Variants in SESTD1 observed in about 807,000 individuals in gnomAD.
The protein encoded by SESTD1 is SEC14 domain and spectrin repeat-containing protein 1.
Under a neutral mutation model 101.7 loss-of-function variants are expected in SESTD1, and 43 were observed. That is an observed-to-expected ratio of 0.42 (90% CI 0.33 to 0.55). The LOEUF is 0.55. SESTD1 is among the 20% of genes least tolerant of loss of function. The pLI is 0.07. For synonymous variants in SESTD1, 283 were observed against 286.8 expected, an observed-to-expected ratio of 0.99 and a Z score of 0.13; for missense variants, 647 against 815.1, an observed-to-expected ratio of 0.79 and a Z score of 2.51.
At chr2:179,144,650 A>G (rs2045355812) in intron 8 of SESTD1, among the ~76,000 whole-genome samples, 1 of 152,078 alleles carries the variant, frequency 6.6e-6, no homozygotes, top group African/African-American at 2.4e-5. Context: ...ATTTAGAATA[A>G]TATCTTAAAT....
chr2:179,219,011 C>T (rs1336822746), intron 1 of SESTD1, among the ~76,000 whole-genome samples: 1 of 152,188 alleles, frequency 6.6e-6, no homozygotes, highest in Non-Finnish European at 1.5e-5. Context: ...AATGCCAACA[C>T]CTTGACGGGA....
At chr2:179,150,027 T>C (rs887983668) in intron 6 of SESTD1, among the ~76,000 whole-genome samples, 1 of 151,952 alleles carries the variant, frequency 6.6e-6, no homozygotes, top group African/African-American at 2.4e-5. Context: ...CAGGAGTTCA[T>C]GACTGGCCTG....
intron 10 of SESTD1, among the ~76,000 whole-genome samples, chr2:179,129,153 T>C (rs574213322): frequency 6.6e-6 from 1 of 152,350 alleles, no homozygotes; most frequent in Non-Finnish European, 1.5e-5. Context: ...CTGTTCTGCA[T>C]AATGCACCAG....
chr2:179,213,539 T>C (rs1250396883), intron 1 of SESTD1, among the ~76,000 whole-genome samples: 1 of 134,172 alleles, frequency 7.5e-6, no homozygotes, highest in Admixed American at 7.2e-5. Flanking sequence ...TACCTGAAAG[T>C]GAGAAGGAGA....
intron 8 of SESTD1, among the ~76,000 whole-genome samples, chr2:179,145,950 C>T (rs1412035385): frequency 6.6e-6 from 1 of 151,598 alleles, no homozygotes; most frequent in African/African-American, 2.4e-5. Flanking sequence ...AAATTAAATC[C>T]AAATTAAGAG....
rs71023472 is a variant in SESTD1, at chr2:179,229,749, TTATATATA to T, written c.-26+34742_-26+34749del. On this transcript the variant is annotated intron_variant, in intron 1 of 17. Coordinates refer to ENST00000428443, the MANE Select transcript of SESTD1 (RefSeq NM_178123.5). ...AAGAAATTTAAGATTTTGTAAGAAC[TTATATATA>T]TATATATATATATATATACTCAAAT... is the stretch of plus-strand genomic sequence containing the variant. 1.2e-4 allele frequency among the ~76,000 whole-genome samples: 13 copies of T among 106,358 alleles called. No individual in the cohort carries two copies. In the South Asian group the frequency reaches 1.6e-3, roughly 13 times the overall value. The allele number at this position is 106,358 out of a possible 152,430, so 69.8% of individuals were successfully genotyped here.
chr2:179,151,503 G>A, intron 5 of SESTD1, 112 bp from the exon 6 acceptor site: 1 of 572,698 alleles, frequency 1.7e-6, no homozygotes, highest in East Asian at 3.2e-5. Flanking sequence ...CCAACATGAT[G>A]ACACATTATC....
At position 179,102,012 on chromosome 2, in the gene SESTD1, TTG is replaced by T. The variant is rs1559087509; in HGVS notation, c.*7885_*7886del. 6.6e-6 allele frequency: 1 copy of T among 152,144 alleles called. No homozygotes were observed. Among genetic ancestry groups the T allele is most frequent in the Non-Finnish European group, 1.5e-5 (1 of 68,016 alleles). 9.4% of individuals were successfully genotyped at this position (152,144 alleles called of 1,614,324 possible). On this transcript the variant is annotated 3_prime_UTR_variant, in exon 18 of 18. Coordinates refer to ENST00000428443, the MANE Select transcript of SESTD1 (RefSeq NM_178123.5). ...TGCTATTGTTTATAGCATGATATGATTGTGTTATTTTAAATACAGCTTTGTTG... is the reference window on the plus strand; with the variant it reads ...TGCTATTGTTTATAGCATGATATGATTGTTATTTTAAATACAGCTTTGTTG...
At position 179,104,921 on chromosome 2, in the gene SESTD1, T is replaced by C. The variant is rs1173058486; in HGVS notation, c.*4978A>G. 1.3e-5 allele frequency: 2 copies of C among 152,152 alleles called. No homozygotes were observed. Among genetic ancestry groups the C allele is most frequent in the African/African-American group, 2.4e-5 (1 of 41,444 alleles). 9.4% of individuals were successfully genotyped at this position (152,152 alleles called of 1,614,324 possible). On this transcript the variant is annotated 3_prime_UTR_variant, in exon 18 of 18. Coordinates refer to ENST00000428443, the MANE Select transcript of SESTD1 (RefSeq NM_178123.5). Reference sequence around the variant, plus strand: ...TTTCTTGAAGTAGAGGGACTAGTGTTTATTCTCAAGCTTTCATGTTTGCTT... The same window carrying C: ...TTTCTTGAAGTAGAGGGACTAGTGTCTATTCTCAAGCTTTCATGTTTGCTT...
intron 3 of SESTD1, among the ~76,000 whole-genome samples, chr2:179,181,138 GAGAA>G (rs1184648027): frequency 6.6e-6 from 1 of 152,116 alleles, no homozygotes; most frequent in Non-Finnish European, 1.5e-5. Flanking sequence ...ACATGAGAAA[GAGAA>G]AGAAAAAATT....
rs553872315 is a variant in SESTD1, at chr2:179,173,907, TATAATA to T, written c.256-1680_256-1675del. Among the ~76,000 whole-genome samples, 307 of 152,188 alleles carry T rather than the reference TATAATA, an allele frequency of 2.0e-3. 1 individual carries two copies. The highest frequency in any genetic ancestry group is 6.9e-3 in the African/African-American group (285 of 41,518). On this transcript the variant is annotated intron_variant, in intron 4 of 17. Coordinates refer to ENST00000428443, the MANE Select transcript of SESTD1 (RefSeq NM_178123.5). ...ACCATAAATTGCAGCACTGAATAAT[TATAATA>T]ATAATTACTATTATTACTATTCAGG...
chr2:179,119,528 T>A (rs2044702741), intron 13 of SESTD1, among the ~76,000 whole-genome samples: 1 of 152,202 alleles, frequency 6.6e-6, no homozygotes, highest in Admixed American at 6.5e-5. Flanking sequence ...TGGTGGGATG[T>A]GATTAGATGC....
At chr2:179,189,307 A>G (rs1376484260) in intron 2 of SESTD1, among the ~76,000 whole-genome samples, 1 of 152,238 alleles carries the variant, frequency 6.6e-6, no homozygotes, top group Non-Finnish European at 1.5e-5. Flanking sequence ...CCACATAAAC[A>G]GAATTAAAAA....
At chr2:179,241,193 T>C (rs2105547044) in intron 1 of SESTD1, among the ~76,000 whole-genome samples, 1 of 152,138 alleles carries the variant, frequency 6.6e-6, no homozygotes, top group African/African-American at 2.4e-5. Context: ...GAAGAACAAA[T>C]GAACAGATCC....
rs181612693 is a variant in SESTD1 at position 179,180,415 on chromosome 2, C to T, written c.164+2665G>A. Among the ~76,000 whole-genome samples, 198 of 152,256 alleles carry T rather than the reference C, an allele frequency of 1.3e-3. 1 individual carries two copies. The highest frequency in any genetic ancestry group is 4.6e-3 in the African/African-American group (190 of 41,562). On this transcript the variant is annotated intron_variant, in intron 3 of 17. Transcript: ENST00000428443. ...TGCTGGAGATGTTGGCAGATGTTCA[C>T]AGCTGGAAGGAGTTAAACATTAACA...
chr2:179,261,147 A>T (rs949070466), intron 1 of SESTD1, among the ~76,000 whole-genome samples: 4 of 152,252 alleles, frequency 2.6e-5, no homozygotes, highest in Non-Finnish European at 5.9e-5. Flanking sequence ...CCCCATTGGA[A>T]ATGTGGAAAG....
intron 17 of SESTD1, among the ~76,000 whole-genome samples, chr2:179,111,455 C>T (rs1434635015): frequency 1.3e-5 from 2 of 152,114 alleles, no homozygotes; most frequent in Non-Finnish European, 2.9e-5. Flanking sequence ...ATGAGTGTTA[C>T]ATGGCAGTTT....
Position 179,132,326 on chromosome 2 carries a change from T to G in SESTD1, c.950A>C (p.Glu317Ala), listed in dbSNP as rs1016304121. Residue 317 changes from glutamate (E) to alanine (A), a missense_variant, in exon 10 of 18, where the codon GAA becomes GCA. By Grantham distance (107) the Glu-to-Ala change is moderately radical. This residue lies in a region of SESTD1 where 476 missense variants were observed against 562.6 expected (regional missense o/e 0.85). Transcript: ENST00000428443. ...CACACTGTGCTGGCTCTCAATCTCT[T>G]CGTGTTTCTGCTGTAGGGCCTGGGA... ...RASQALQQKH[E>A]EIESQHSEWF... The G allele has an allele frequency of 1.9e-6, 3 of 1,556,882 alleles. No individual in the cohort carries two copies. The highest frequency in any genetic ancestry group is 1.7e-6 in the Non-Finnish European group (2 of 1,163,378).
chr2:179,202,943 CATGCCCTAGGCATGCCAG>C (rs1266168230), intron 1 of SESTD1, among the ~76,000 whole-genome samples: 1 of 134,950 alleles, frequency 7.4e-6, no homozygotes, highest in Non-Finnish European at 1.6e-5. Flanking sequence ...GGGCCTACTC[CATGCCCTAGGCATGCCAG>C]ACAGCAGTTG....
Sources: gnomAD v4.1 joint callset for allele counts (sites outside exome capture counted in the v4.1 genomes callset) on GRCh38, gnomAD v4.1.1 for gene constraint, gnomAD v4.1.1 regional missense constraint, MANE v1.5 for transcripts, NCBI Gene and HGNC (gene_info 2026-07-23, HGNC 2026-07-21) for gene names.